PCDH7: variants seen among roughly 807,000 people sequenced by gnomAD.
PCDH7 encodes protocadherin-7.
PCDH7 carries 17 observed loss-of-function variants against 58.9 expected under a neutral mutation model. The observed-to-expected ratio is 0.29, with a 90% CI of 0.20 to 0.43. The LOEUF is 0.43. Ranked by LOEUF, PCDH7 falls within the 20% of genes least tolerant of loss-of-function variation. The pLI is 1.00. For missense variants in PCDH7, 1,274 were observed against 1,441.0 expected (o/e 0.88, Z 1.88); for synonymous variants, 664 against 616.4 (o/e 1.08, Z -1.14).
rs372280253 is a variant in PCDH7, at chr4:31,064,858, A to AAC, written c.*8-77602_*8-77601dup. 3.5e-3 allele frequency among the ~76,000 whole-genome samples: 533 copies of AAC among 151,492 alleles called. 2 individuals are homozygous for AAC. The highest frequency in any genetic ancestry group is 0.012 in the African/African-American group (502 of 41,402). On this transcript the variant is annotated intron_variant, in intron 3 of 3. Transcript: ENST00000509759. ...GGGGACACAAGTCAATTCAGTTCAT[A>AAC]ACACACACACACACTATACTTGTGC...
intron 1 of PCDH7, among the ~76,000 whole-genome samples, chr4:30,749,897 T>C (rs754981289): frequency 1.3e-5 from 2 of 152,224 alleles, no homozygotes; most frequent in Admixed American, 6.5e-5. Context: ...GATTATTAGG[T>C]GCTGTAACTG....
chr4:30,778,920 C>A (rs1296775632), intron 1 of PCDH7, among the ~76,000 whole-genome samples: 1 of 150,736 alleles, frequency 6.6e-6, no homozygotes, highest in Non-Finnish European at 1.5e-5. Context: ...TGAACATGTC[C>A]TGTCACATCT....
chr4:31,108,440 G>A (rs151025339), intron 3 of PCDH7, among the ~76,000 whole-genome samples: 42 of 145,434 alleles, frequency 2.9e-4, no homozygotes, highest in Admixed American at 2.2e-3. Flanking sequence ...AAAAAGAGAC[G>A]GGGGAAACGA....
At chr4:31,107,134 A>G (rs764173562) in intron 3 of PCDH7, among the ~76,000 whole-genome samples, 3 of 152,262 alleles carry the variant, frequency 2.0e-5, no homozygotes, top group South Asian at 2.1e-4. Context: ...CCTTTCTACA[A>G]TCTTCATGGG....
intron 1 of PCDH7, among the ~76,000 whole-genome samples, chr4:30,917,101 G>A (rs1742575476): frequency 1.3e-5 from 2 of 152,032 alleles, no homozygotes; most frequent in African/African-American, 4.8e-5. Flanking sequence ...AATCTTTCTG[G>A]AATATATAAA....
chr4:30,849,926 T>C (rs902721941), intron 1 of PCDH7, among the ~76,000 whole-genome samples: 1 of 152,142 alleles, frequency 6.6e-6, no homozygotes, highest in Non-Finnish European at 1.5e-5. Context: ...AAAGATGAAA[T>C]TCTGTCAGGA....
chr4:31,135,569 C>A (rs1191972001), intron 3 of PCDH7, among the ~76,000 whole-genome samples: 1 of 152,096 alleles, frequency 6.6e-6, no homozygotes, highest in Non-Finnish European at 1.5e-5. Flanking sequence ...ATTTGCTTGA[C>A]AATTGGTATT....
intron 1 of PCDH7, among the ~76,000 whole-genome samples, chr4:30,832,673 T>C (rs1168953613): frequency 6.6e-6 from 1 of 152,152 alleles, no homozygotes; most frequent in Non-Finnish European, 1.5e-5. Context: ...CTTAAAGATT[T>C]TTCTAGCCAT....
downstream of PCDH7, chr4:31,145,974 C>A (rs983909639): frequency 6.6e-6 from 1 of 152,048 alleles, no homozygotes; most frequent in African/African-American, 2.4e-5. Context: ...TACATTAGGA[C>A]ACATTTATAA....
chr4:31,114,197 G>A (rs1716707936), intron 3 of PCDH7, among the ~76,000 whole-genome samples: 1 of 151,914 alleles, frequency 6.6e-6, no homozygotes, highest in Admixed American at 6.6e-5. Flanking sequence ...TCATTTTTCA[G>A]TTAAAAACTT....
chr4:31,098,437 A>T (rs1459272068), intron 3 of PCDH7, among the ~76,000 whole-genome samples: 1 of 152,130 alleles, frequency 6.6e-6, no homozygotes. Context: ...CCTGCCATGT[A>T]ATGTTCTTAT....
intron 1 of PCDH7, among the ~76,000 whole-genome samples, chr4:30,856,967 C>T (rs1733544874): frequency 1.3e-5 from 2 of 151,626 alleles, no homozygotes; most frequent in African/African-American, 4.8e-5. Flanking sequence ...TCTACTTTGT[C>T]AGGCATTTCG....
chr4:31,082,065 C>T (rs907029584), intron 3 of PCDH7, among the ~76,000 whole-genome samples: 5 of 152,138 alleles, frequency 3.3e-5, no homozygotes, highest in Non-Finnish European at 7.3e-5. Flanking sequence ...GGATTACAGG[C>T]GTGAGTCACC....
At chr4:31,023,732 A>G (rs10939326) in intron 3 of PCDH7, among the ~76,000 whole-genome samples, 52,712 of 151,950 alleles carry the variant, frequency 0.35, 11,876 homozygotes, top group African/African-American at 0.63. Flanking sequence ...TTATTTTAGA[A>G]TTACAGAAGA....
Position 30,758,940 on chromosome 4 carries a change from G to GTTTTT in PCDH7, c.70+34359_70+34363dup, listed in dbSNP as rs11463767. On this transcript the variant is annotated intron_variant, in intron 1 of 3. Coordinates refer to the PCDH7 transcript ENST00000509759. The stretch of plus-strand genomic sequence containing the variant: ...ATTTTTTGTATTTATTTGAAGAAGT[G>GTTTTT]TTTTTTTTTTTTTTTTTTTGTGATA... 7.2e-4 allele frequency among the ~76,000 whole-genome samples: 90 copies of GTTTTT among 124,236 alleles called. 2 individuals are homozygous for GTTTTT. Among genetic ancestry groups the GTTTTT allele is most frequent in the African/African-American group, 2.5e-3 (82 of 32,816 alleles). The allele number at this position is 124,236 out of a possible 152,430, so 81.5% of individuals were successfully genotyped here.
intron 1 of PCDH7, among the ~76,000 whole-genome samples, chr4:30,878,142 A>T (rs1736521530): frequency 6.6e-6 from 1 of 152,128 alleles, no homozygotes; most frequent in Non-Finnish European, 1.5e-5. Context: ...TCTCTCACAC[A>T]TTAATAGGGC....
At chr4:30,868,991 C>G (rs1467932703) in intron 1 of PCDH7, 5 of 151,836 alleles carry the variant, frequency 3.3e-5, no homozygotes, top group Non-Finnish European at 4.4e-5. Context: ...AAAAGAAAAC[C>G]AAAAATGTTA....
chr4:31,038,070 T>C (rs1239789163), intron 3 of PCDH7, among the ~76,000 whole-genome samples: 1 of 152,228 alleles, frequency 6.6e-6, no homozygotes, highest in Non-Finnish European at 1.5e-5. Flanking sequence ...AATCCTGACC[T>C]GCAATTCTAG....
intron 1 of PCDH7, among the ~76,000 whole-genome samples, chr4:30,760,069 A>T (rs2109267792): frequency 6.6e-6 from 1 of 152,328 alleles, no homozygotes; most frequent in East Asian, 1.9e-4. Context: ...AAGAAAAAAA[A>T]AAACTTAAGA....
Sources: gnomAD v4.1 joint callset for allele counts (sites outside exome capture counted in the v4.1 genomes callset) on GRCh38, gnomAD v4.1.1 for gene constraint, MANE v1.5 for transcripts, NCBI Gene and HGNC (gene_info 2026-07-23, HGNC 2026-07-21) for gene names.